VIT: variants seen among roughly 807,000 people sequenced by gnomAD.
VIT encodes vitrin.
In VIT, 99 loss-of-function variants were observed where a neutral mutation model predicts 78.0. The ratio of observed to expected loss-of-function variants is 1.27; its 90% CI spans 1.08 to 1.50. The LOEUF is 1.50. Ranked by LOEUF, VIT falls within the 40% of genes most tolerant of loss-of-function variation. The pLI, the probability that VIT is intolerant of heterozygous loss-of-function variation, is 0.00. For missense variants in VIT, 1,126 were observed against 875.3 expected (o/e 1.29, Z -3.61); for synonymous variants, 374 against 334.3 (o/e 1.12, Z -1.29).
chr2:36,812,005 G>A (rs545986694), intron 15 of VIT, among the ~76,000 whole-genome samples: 7 of 152,222 alleles, frequency 4.6e-5, no homozygotes, highest in South Asian at 2.1e-4. Context: ...TACTGTTTGC[G>A]TAGTTTTTTA....
At chr2:36,768,249 T>C (rs575694490) in intron 7 of VIT, among the ~76,000 whole-genome samples, 2 of 152,258 alleles carry the variant, frequency 1.3e-5, no homozygotes, top group East Asian at 1.9e-4. Context: ...CTGGCCAGCA[T>C]GGTGAAACCC....
intron 12 of VIT, among the ~76,000 whole-genome samples, chr2:36,792,357 A>G (rs186108366): frequency 6.6e-6 from 1 of 152,280 alleles, no homozygotes; most frequent in East Asian, 1.9e-4. Context: ...TGTGAATACA[A>G]TATGCCCAAG....
chr2:36,801,523 T>C (rs1316049368), intron 13 of VIT, 119 bp downstream of exon 13: 1 of 958,364 alleles, frequency 1.0e-6, no homozygotes, highest in Non-Finnish European at 1.6e-6. Flanking sequence ...AGAAATAACT[T>C]CTGGTCGGGC....
chr2:36,767,001 A>G, intron 6 of VIT, 93 bp from the exon 7 acceptor site: 1 of 1,352,462 alleles, frequency 7.4e-7, no homozygotes, highest in Non-Finnish European at 9.7e-7. Context: ...CTGTGCTCAT[A>G]GCTAGTGTTC....
intron 12 of VIT, among the ~76,000 whole-genome samples, chr2:36,799,268 C>A (rs1397923005): frequency 1.3e-5 from 2 of 152,172 alleles, no homozygotes; most frequent in African/African-American, 4.8e-5. Context: ...GTCCTGGTGA[C>A]TGGTTTCCTC....
chr2:36,758,942 C>G (rs775014899), intron 5 of VIT, 27 bp from the exon 6 acceptor site: 9 of 1,584,658 alleles, frequency 5.7e-6, no homozygotes, highest in Non-Finnish European at 6.1e-6. Flanking sequence ...AGAAATAAAT[C>G]TCGTTTTTTT....
intron 9 of VIT, among the ~76,000 whole-genome samples, chr2:36,778,601 G>A (rs934844064): frequency 5.9e-5 from 9 of 152,236 alleles, no homozygotes; most frequent in African/African-American, 2.2e-4. Flanking sequence ...TATAAACCTG[G>A]GACTGTCGAC....
At chr2:36,733,562 T>A (rs1667332314) in intron 3 of VIT, among the ~76,000 whole-genome samples, 1 of 127,178 alleles carries the variant, frequency 7.9e-6, no homozygotes, top group Non-Finnish European at 1.9e-5. Context: ...TTTGAAGATA[T>A]GAAGAGAGAA....
intron 4 of VIT, among the ~76,000 whole-genome samples, chr2:36,753,523 G>T (rs1167879682): frequency 1.3e-5 from 2 of 152,110 alleles, no homozygotes; most frequent in Non-Finnish European, 2.9e-5. Context: ...AGTACAAGAC[G>T]GAACAAAATC....
At chr2:36,785,365 C>T (rs927931233) in intron 11 of VIT, among the ~76,000 whole-genome samples, 2 of 152,092 alleles carry the variant, frequency 1.3e-5, no homozygotes, top group African/African-American at 4.8e-5. Flanking sequence ...AACTCCACTG[C>T]CACCTGCTGG....
chr2:36,717,658 C>G (rs1356611780), intron 2 of VIT, among the ~76,000 whole-genome samples: 2 of 152,272 alleles, frequency 1.3e-5, no homozygotes, highest in East Asian at 3.9e-4. Context: ...CAGGGCCAAG[C>G]CCAAGGGTAA....
chr2:36,714,699 G>A (rs1573129550), intron 1 of VIT, among the ~76,000 whole-genome samples: 1 of 152,142 alleles, frequency 6.6e-6, no homozygotes, highest in African/African-American at 2.4e-5. Context: ...TGTGCCCAGG[G>A]CAGATTCCTC....
chr2:36,811,567 G>C (rs1667171246), intron 15 of VIT, among the ~76,000 whole-genome samples: 1 of 152,200 alleles, frequency 6.6e-6, no homozygotes, highest in Non-Finnish European at 1.5e-5. Context: ...TCCAAGTCAA[G>C]GCTGGGTGAC....
chr2:36,798,938 C>T (rs957768784), intron 12 of VIT, among the ~76,000 whole-genome samples: 1 of 152,124 alleles, frequency 6.6e-6, no homozygotes, highest in African/African-American at 2.4e-5. Flanking sequence ...AGGTCACGCC[C>T]AGCTCAACAC....
At chr2:36,813,824 G>A (rs751272040) in intron 15 of VIT, among the ~76,000 whole-genome samples, 4 of 152,126 alleles carry the variant, frequency 2.6e-5, no homozygotes, top group Admixed American at 6.5e-5. Flanking sequence ...AGTTTCACTT[G>A]TCCCAAAATA....
chr2:36,792,307 C>T lies in VIT; in HGVS notation c.1058+5031C>T, dbSNP rs560224617. ...AGACAGGCAGGTAAGGCCCACAAGC[C>T]GCACTCCTCAGGAACACAGAGTCTC... On this transcript the variant is annotated intron_variant, in intron 12 of 15. Transcript: ENST00000379242. Among the ~76,000 whole-genome samples, 7 of 152,286 alleles carry T rather than the reference C, an allele frequency of 4.6e-5. No homozygotes were observed. In the East Asian group the frequency reaches 5.8e-4, roughly 13 times the overall value.
At chr2:36,775,476 A>C (rs1044589939) in intron 9 of VIT, among the ~76,000 whole-genome samples, 1 of 152,162 alleles carries the variant, frequency 6.6e-6, no homozygotes, top group Non-Finnish European at 1.5e-5. Context: ...CCTGATTTGC[A>C]TCTTCAATTT....
At chr2:36,706,653 A>G (rs1445953421) in intron 1 of VIT, among the ~76,000 whole-genome samples, 1 of 152,112 alleles carries the variant, frequency 6.6e-6, no homozygotes, top group East Asian at 1.9e-4. Context: ...GGAGGCCTCA[A>G]TTGGCTTCAG....
intron 9 of VIT, among the ~76,000 whole-genome samples, chr2:36,776,813 T>G (rs9308996): frequency 0.74 from 110,835 of 150,596 alleles, 45,227 homozygotes; most frequent in Non-Finnish European, 0.91. Flanking sequence ...TAAAATGGCC[T>G]GGCGCGGTGG....
Sources: gnomAD v4.1 joint callset for allele counts (sites outside exome capture counted in the v4.1 genomes callset) on GRCh38, gnomAD v4.1.1 for gene constraint, MANE v1.5 for transcripts, NCBI Gene and HGNC (gene_info 2026-07-23, HGNC 2026-07-21) for gene names.